Variants in RNPS1 observed in about 807,000 individuals in gnomAD.
RNPS1 encodes the protein RNA-binding protein with serine-rich domain 1.
For missense variants in RNPS1, 300 were observed against 427.6 expected (o/e 0.70, Z 2.63); for synonymous variants, 147 against 150.0 (o/e 0.98, Z 0.15).
chr16:2,263,180 G>A lies in RNPS1; in HGVS notation c.335C>T (p.Ser112Phe). ...AGAGCTGCTAGAGCTGGAGCTGCGG[G>A]AGGTGCTGGAGCTTCCTGAGCGGCT... Reference protein sequence around the residue: ...ASSRSGSSSTSRSSSSSSSSG... With the variant: ...ASSRSGSSSTFRSSSSSSSSG... Residue 112 changes from serine to phenylalanine, a missense_variant, in exon 4 of 8, where the codon TCC becomes TTC. Coordinates refer to ENST00000320225, the MANE Select transcript of RNPS1 (RefSeq NM_080594.4). 1.2e-6 allele frequency: 2 copies of A among 1,613,934 alleles called. No homozygotes were observed. The highest frequency in any genetic ancestry group is 1.1e-5 in the South Asian group (1 of 91,072).
intron 1 of RNPS1, chr16:2,266,732 A>T (rs1455218025): frequency 6.1e-6 from 6 of 984,840 alleles, no homozygotes; most frequent in Non-Finnish European, 7.2e-6. Context: ...CCGTGTGAGG[A>T]GCCACAAGCA....
intron 1 of RNPS1, chr16:2,267,279 G>A (rs564253865): frequency 2.0e-6 from 2 of 984,672 alleles, no homozygotes; most frequent in Non-Finnish European, 2.4e-6. Flanking sequence ...TAAATCTCGA[G>A]GAGAGGGCGT....
intron 6 of RNPS1, chr16:2,256,548 C>A (rs111373276): frequency 6.6e-6 from 1 of 152,292 alleles, no homozygotes; most frequent in African/African-American, 2.4e-5. Flanking sequence ...ACAACTGAGA[C>A]TCCGTCTCAA....
Position 2,263,150 on chromosome 16 carries a change from C to T in RNPS1, c.365G>A (p.Gly122Asp). 1 of 1,613,684 alleles carries T rather than the reference C, an allele frequency of 6.2e-7. No homozygotes were observed. The highest frequency in any genetic ancestry group is 8.5e-7 in the Non-Finnish European group (1 of 1,179,900). The change falls in exon 4 of 8, where the codon GGC becomes GAC. Residue 122 changes from glycine (G) to aspartate (D), a missense_variant. By Grantham distance (94) the Gly-to-Asp change is moderately conservative. Transcript: ENST00000320225. ...TCTGCGCCGAGAAGGACTTGGAGAGCCAGAAGAGCTGCTAGAGCTGGAGCT... is the reference window on the plus strand; with the variant it reads ...TCTGCGCCGAGAAGGACTTGGAGAGTCAGAAGAGCTGCTAGAGCTGGAGCT... ...SRSSSSSSSS[G>D]SPSPSRRRHD...
intron 7 of RNPS1, among the ~76,000 whole-genome samples, 188 bp downstream of exon 7, chr16:2,255,397 C>T (rs1298163410): frequency 6.6e-6 from 1 of 152,236 alleles, no homozygotes; most frequent in South Asian, 2.1e-4. Flanking sequence ...AACTCTAGGG[C>T]GTCTCCTGCC....
chr16:2,258,879 T>A (rs966049891), intron 6 of RNPS1: 1 of 152,006 alleles, frequency 6.6e-6, no homozygotes, highest in Non-Finnish European at 1.5e-5. Flanking sequence ...CCCAGCTGCT[T>A]TGGGAGGCCA....
intron 6 of RNPS1, 133 bp from the exon 7 acceptor site, chr16:2,255,859 G>C: frequency 3.0e-6 from 3 of 989,800 alleles, no homozygotes; most frequent in Non-Finnish European, 4.6e-6. Context: ...CGGGCATGGT[G>C]GCTCACTCCT....
chr16:2,267,759 GGAGGCCGCGCTCCCCGCTGGTCT>G (rs1012599122), intron 1 of RNPS1: 4 of 1,329,458 alleles, frequency 3.0e-6, no homozygotes, highest in African/African-American at 3.1e-5. Flanking sequence ...CCCCAAGGGC[GGAGGCCGCGCTCCCCGCTGGTCT>G]GAGTCCCGCG....
intron 7 of RNPS1, among the ~76,000 whole-genome samples, chr16:2,254,365 A>C (rs962734654): frequency 1.3e-5 from 2 of 150,846 alleles, no homozygotes; most frequent in African/African-American, 4.9e-5. Flanking sequence ...GGCTGAGTGC[A>C]GAGGCGCAAT....
rs2093614442 is a variant in RNPS1, at chr16:2,264,008, G to C, written c.227+168C>G. The stretch of plus-strand genomic sequence containing the variant: ...GCCTCCCAAAGTGCTGGGATTATAG[G>C]CATGAGCCACCACTGCACCTAGCCA... On this transcript the variant is annotated intron_variant, in intron 3 of 7. Coordinates refer to ENST00000320225, the MANE Select transcript of RNPS1 (RefSeq NM_080594.4). 4 of 780,378 alleles carry C rather than the reference G, an allele frequency of 5.1e-6. No individual in the cohort carries two copies. In the Admixed American group the frequency reaches 8.5e-5, roughly 17 times the overall value. The allele number at this position is 780,378 out of a possible 1,614,324, so 48.3% of individuals were successfully genotyped here. A position where few individuals can be genotyped will look rare whatever the true frequency, so the allele number is the denominator to read the frequency against.
At chr16:2,256,838 C>T (rs543930171) in intron 6 of RNPS1, 2 of 152,158 alleles carry the variant, frequency 1.3e-5, no homozygotes, top group Admixed American at 6.6e-5. Context: ...CTCTGCAGCA[C>T]TGAGAGGGGC....
intron 1 of RNPS1, chr16:2,267,372 A>C: frequency 1.0e-6 from 1 of 984,068 alleles, no homozygotes; most frequent in Non-Finnish European, 1.2e-6. Flanking sequence ...CAAAAAGCCT[A>C]CTCCACGTTT....
chr16:2,261,487 T>C (rs1378225676), intron 6 of RNPS1, among the ~76,000 whole-genome samples: 1 of 152,216 alleles, frequency 6.6e-6, no homozygotes, highest in Non-Finnish European at 1.5e-5. Context: ...CTCCCTACGA[T>C]TCTCGTGATT....
chr16:2,256,987 G>C (rs1014631963), intron 6 of RNPS1: 2 of 152,226 alleles, frequency 1.3e-5, no homozygotes, highest in African/African-American at 4.8e-5. Context: ...GTGGGGCTGC[G>C]GTGGGAAGCT....
chr16:2,259,671 C>T (rs371775449), intron 6 of RNPS1, among the ~76,000 whole-genome samples: 4 of 152,144 alleles, frequency 2.6e-5, no homozygotes, highest in East Asian at 1.9e-4. Context: ...GGGCGGATCA[C>T]GAGGTCAGGA....
Position 2,268,044 on chromosome 16 carries a change from C to G in RNPS1, c.-118+11G>C, listed in dbSNP as rs1301954078. 1 of 1,534,416 alleles carries G rather than the reference C, an allele frequency of 6.5e-7. No individual in the cohort carries two copies. Among genetic ancestry groups the G allele is most frequent in the Non-Finnish European group, 8.7e-7 (1 of 1,146,668 alleles). ...GAAACACGGATGCAGTCGGATTCCG[C>G]CCCAACTTACATCTTCCCGCCGCCG... On this transcript the variant is annotated intron_variant, in intron 1 of 7. Transcript: ENST00000320225.
At position 2,264,261 on chromosome 16, in the gene RNPS1, C is replaced by G; in HGVS notation, c.142G>C (p.Ala48Pro). 1 of 1,614,158 alleles carries G rather than the reference C, an allele frequency of 6.2e-7. No individual in the cohort carries two copies. Among genetic ancestry groups the G allele is most frequent in the Non-Finnish European group, 8.5e-7 (1 of 1,180,036 alleles). ...KSKDRSKDKGATKESSEKDRG... is the reference protein window; with the variant it reads ...KSKDRSKDKGPTKESSEKDRG... The stretch of plus-strand genomic sequence containing the variant: ...TCCTTCTCACTCGACTCCTTGGTGG[C>G]CCCTTTATCTTTTGAGCGATCCTTG... Residue 48 changes from alanine to proline, a missense_variant, in exon 3 of 8, where the codon GCC (alanine) becomes CCC (proline). Coordinates refer to ENST00000320225, the MANE Select transcript of RNPS1 (RefSeq NM_080594.4).
chr16:2,261,177 G>C lies in RNPS1; in HGVS notation c.676+1101C>G, dbSNP rs145443703. On this transcript the variant is annotated intron_variant, in intron 6 of 7. Coordinates refer to ENST00000320225, the MANE Select transcript of RNPS1 (RefSeq NM_080594.4). ...AAAAACTATAGTACACCCAAATACTGTTCTCAATTTTTTCCTTTTTTGTTT... is the reference window on the plus strand; with the variant it reads ...AAAAACTATAGTACACCCAAATACTCTTCTCAATTTTTTCCTTTTTTGTTT... 3.9e-3 allele frequency among the ~76,000 whole-genome samples: 597 copies of C among 152,026 alleles called. 3 individuals carry two copies. Among genetic ancestry groups the C allele is most frequent in the African/African-American group, 0.014 (563 of 41,490 alleles).
At chr16:2,263,015 T>C (rs1268048629) in intron 4 of RNPS1, 81 bp downstream of exon 4, 2 of 1,472,336 alleles carry the variant, frequency 1.4e-6, no homozygotes, top group Non-Finnish European at 1.9e-6. Flanking sequence ...AAAGACTCCT[T>C]TTGGGTCCCT....
Sources: gnomAD v4.1 joint callset for allele counts (sites outside exome capture counted in the v4.1 genomes callset) on GRCh38, gnomAD v4.1.1 for gene constraint, MANE v1.5 for transcripts, NCBI Gene and HGNC (gene_info 2026-07-23, HGNC 2026-07-21) for gene names.